The following DLG2 variants were observed in gnomAD, a reference collection of about 807,000 sequenced individuals.
The protein encoded by DLG2 is discs large MAGUK scaffold protein 2, also known as disks large homolog 2.
In DLG2, 45 loss-of-function variants were observed where a neutral mutation model predicts 132.5. That is an observed-to-expected ratio of 0.34 (90% confidence interval 0.27 to 0.44). The LOEUF is 0.44. Among genes scored for constraint, DLG2 ranks in the 20% least tolerant of loss-of-function variants. The probability of loss-of-function intolerance (pLI) is 1.00; values close to 1 mark genes in which losing one functional copy is unlikely to be tolerated. For missense variants in DLG2, 1,045 were observed against 1,196.9 expected (o/e 0.87, Z 1.87); for synonymous variants, 424 against 419.6 (o/e 1.01, Z -0.13).
At chr11:84,798,843 C>G (rs1382287415) in intron 6 of DLG2, among the ~76,000 whole-genome samples, 1 of 152,160 alleles carries the variant, frequency 6.6e-6, no homozygotes, top group Non-Finnish European at 1.5e-5. Flanking sequence ...TCCCTTCTGG[C>G]CCAGAATGTG....
intron 6 of DLG2, among the ~76,000 whole-genome samples, chr11:85,027,472 C>T (rs535317446): frequency 2.5e-4 from 38 of 152,228 alleles, no homozygotes; most frequent in Middle Eastern, 3.4e-3. Flanking sequence ...CCACAGGGCT[C>T]GTTCCACCCA....
At chr11:84,630,412 C>T (rs1271502606) in intron 6 of DLG2, among the ~76,000 whole-genome samples, 1 of 152,144 alleles carries the variant, frequency 6.6e-6, no homozygotes, top group Non-Finnish European at 1.5e-5. Context: ...CTCTCTTTTG[C>T]TTTAGAATTT....
At chr11:84,454,182 C>A (rs1267849590) in intron 7 of DLG2, among the ~76,000 whole-genome samples, 1 of 151,318 alleles carries the variant, frequency 6.6e-6, no homozygotes, top group Middle Eastern at 3.2e-3. Context: ...AGCCAATTAG[C>A]AGTATGAATT....
At chr11:84,992,453 A>G (rs76593536) in intron 6 of DLG2, among the ~76,000 whole-genome samples, 4,858 of 152,256 alleles carry the variant, frequency 0.032, 104 homozygotes, top group African/African-American at 0.047. Context: ...AAGATACTTA[A>G]TTCCTTCCAT....
intron 6 of DLG2, among the ~76,000 whole-genome samples, chr11:84,946,972 T>TGTTGCTTTCCATTATTATA (rs2050297306): frequency 6.6e-6 from 1 of 152,206 alleles, no homozygotes; most frequent in African/African-American, 2.4e-5. Flanking sequence ...TTTTGCTCTG[T>TGTTGCTTTCCATTATTATA]GTTGCTTTCC....
intron 17 of DLG2, among the ~76,000 whole-genome samples, chr11:83,810,110 C>G (rs2046888616): frequency 1.3e-5 from 2 of 152,048 alleles, no homozygotes; most frequent in Non-Finnish European, 2.9e-5. Context: ...AATACAAATT[C>G]ACCCTTCTTT....
intron 4 of DLG2, 117 bp from the exon 5 acceptor site, chr11:85,154,768 G>T: frequency 3.6e-6 from 2 of 556,476 alleles, no homozygotes; most frequent in Non-Finnish European, 6.1e-6. Context: ...ATTAGATGTT[G>T]CTTATTTCAA....
At chr11:83,735,689 A>G (rs2153708138) in intron 18 of DLG2, among the ~76,000 whole-genome samples, 1 of 152,256 alleles carries the variant, frequency 6.6e-6, no homozygotes, top group Middle Eastern at 3.4e-3. Context: ...CCACACGTAC[A>G]TTTTGCTTTT....
intron 4 of DLG2, among the ~76,000 whole-genome samples, chr11:85,203,066 GT>G (rs1245910059): frequency 6.6e-6 from 1 of 150,396 alleles, no homozygotes; most frequent in Non-Finnish European, 1.5e-5. Flanking sequence ...ATAAATATCA[GT>G]TCTAAATAAA....
chr11:84,665,688 A>G lies in DLG2; in HGVS notation c.358-130957T>C, dbSNP rs146725953. 1.5e-4 allele frequency among the ~76,000 whole-genome samples: 23 copies of G among 152,256 alleles called. No individual in the cohort carries two copies. In the East Asian group the frequency reaches 4.1e-3, roughly 27 times the overall value. The stretch of plus-strand genomic sequence containing the variant: ...CATAACATTTTATAGTTTTGTTGTA[A>G]CAGTGTTATTACTTTCTGTTGTGCT... On this transcript the variant is annotated intron_variant, in intron 6 of 27. Transcript: ENST00000376104.
chr11:84,336,212 A>T (rs117813710), intron 7 of DLG2, among the ~76,000 whole-genome samples: 1 of 152,210 alleles, frequency 6.6e-6, no homozygotes, highest in South Asian at 2.1e-4. Flanking sequence ...GGAGATGTTA[A>T]AAAGTAAAAC....
At position 85,412,760 on chromosome 11, in the gene DLG2, C is replaced by T. The variant is rs2449982; in HGVS notation, c.41-127395G>A. On this transcript the variant is annotated intron_variant, in intron 3 of 27. Coordinates refer to ENST00000376104, the MANE Select transcript of DLG2 (RefSeq NM_001142699.3). ...ACACACACACACACACACACACACA[C>T]ATATATATATATATATATATATATA... Among the ~76,000 whole-genome samples the T allele has an allele frequency of 7.1e-3, 808 of 113,182 alleles. 2 individuals carry two copies. Among genetic ancestry groups the T allele is most frequent in the African/African-American group, 0.013 (354 of 26,994 alleles). 74.3% of individuals were successfully genotyped at this position (113,182 alleles called of 152,430 possible).
intron 17 of DLG2, among the ~76,000 whole-genome samples, chr11:83,794,942 G>A (rs1392986367): frequency 6.6e-6 from 1 of 152,154 alleles, no homozygotes; most frequent in Non-Finnish European, 1.5e-5. Context: ...ATGATTGGGT[G>A]TGTTTTGCCA....
chr11:85,226,971 T>C (rs1376055466), intron 4 of DLG2, among the ~76,000 whole-genome samples: 1 of 152,150 alleles, frequency 6.6e-6, no homozygotes, highest in Admixed American at 6.6e-5. Flanking sequence ...TCTTAGTTAA[T>C]GTTACAATTA....
At chr11:85,047,957 A>C (rs1391747880) in intron 6 of DLG2, among the ~76,000 whole-genome samples, 1 of 151,798 alleles carries the variant, frequency 6.6e-6, no homozygotes, top group Non-Finnish European at 1.5e-5. Flanking sequence ...CGAGAATTCT[A>C]CTCCTGTTGC....
chr11:85,427,747 T>A (rs762120926), intron 3 of DLG2, among the ~76,000 whole-genome samples: 10 of 152,202 alleles, frequency 6.6e-5, no homozygotes, highest in African/African-American at 2.4e-4. Context: ...GCTGACATCA[T>A]AATGACAGGA....
At chr11:83,785,117 C>T (rs1187556897) in intron 18 of DLG2, among the ~76,000 whole-genome samples, 16 of 152,022 alleles carry the variant, frequency 1.1e-4, no homozygotes, top group South Asian at 2.1e-4. Context: ...TGCAGTGCCA[C>T]GGTCTCGGCT....
intron 6 of DLG2, among the ~76,000 whole-genome samples, chr11:84,750,440 G>C (rs982212602): frequency 2.0e-5 from 3 of 152,140 alleles, no homozygotes; most frequent in South Asian, 4.1e-4. Context: ...TTTGAGGTTT[G>C]GCATAGGCCC....
At chr11:85,511,484 T>C (rs147470834) in intron 3 of DLG2, among the ~76,000 whole-genome samples, 1,806 of 152,124 alleles carry the variant, frequency 0.012, 21 homozygotes, top group Middle Eastern at 0.044. Context: ...GAACAGAGAT[T>C]ATAACATTTT....
Sources: allele counts gnomAD v4.1 joint callset (sites outside exome capture counted in the v4.1 genomes callset), GRCh38; gene constraint gnomAD v4.1.1; transcripts MANE v1.5; gene names NCBI Gene and HGNC (gene_info 2026-07-23, HGNC 2026-07-21).